The following C12orf42 variants were observed in gnomAD, a reference collection of about 807,000 sequenced individuals.
C12orf42 encodes uncharacterized protein C12orf42.
A neutral mutation model predicts 21.6 loss-of-function variants in C12orf42; 25 were observed. That is an observed-to-expected ratio of 1.16 (90% CI 0.84 to 1.62). C12orf42 has a LOEUF of 1.62. Among genes scored for constraint, C12orf42 ranks in the 40% most tolerant of loss-of-function variants. C12orf42 has a pLI of 0.00. For synonymous variants in C12orf42, 174 were observed against 175.0 expected (o/e 0.99, Z 0.05); for missense variants, 483 against 459.3 (o/e 1.05, Z -0.47).
intron 2 of C12orf42, among the ~76,000 whole-genome samples, chr12:103,405,813 T>C (rs1416005881): frequency 6.6e-6 from 1 of 152,206 alleles, no homozygotes; most frequent in Non-Finnish European, 1.5e-5. Context: ...TGTGGGGTAG[T>C]GTATTTCTTT....
At chr12:103,430,538 T>C (rs1164566568) in intron 2 of C12orf42, among the ~76,000 whole-genome samples, 2 of 152,192 alleles carry the variant, frequency 1.3e-5, no homozygotes, top group African/African-American at 4.8e-5. Flanking sequence ...GTTCAACCAT[T>C]GTGGAAGACA....
At chr12:103,393,716 T>C (rs1026236845) in intron 3 of C12orf42, among the ~76,000 whole-genome samples, 1 of 152,214 alleles carries the variant, frequency 6.6e-6, no homozygotes, top group Non-Finnish European at 1.5e-5. Context: ...TAATGCCTAG[T>C]ATATATTGCA....
chr12:103,561,895 C>T, the C12orf42 span, among the ~76,000 whole-genome samples: 2 of 152,246 alleles, frequency 1.3e-5, 1 homozygote, highest in South Asian at 4.2e-4. Flanking sequence ...AAGTATTATG[C>T]CTCCTCTTGT....
chr12:103,112,867 C>T, the C12orf42 span, among the ~76,000 whole-genome samples: 1 of 152,202 alleles, frequency 6.6e-6, no homozygotes, highest in Admixed American at 6.5e-5. Context: ...CTGCATCCTT[C>T]TACCGTAGCA....
chr12:103,230,792 C>T, the C12orf42 span, among the ~76,000 whole-genome samples: 1 of 152,110 alleles, frequency 6.6e-6, no homozygotes, highest in Non-Finnish European at 1.5e-5. Context: ...TGTTGATTTG[C>T]TGTTTCATTT....
At position 103,401,694 on chromosome 12, in the gene C12orf42, G is replaced by T; in HGVS notation, c.79-19C>A. 2 of 1,605,338 alleles carry T rather than the reference G, an allele frequency of 1.2e-6. No individual in the cohort carries two copies. The highest frequency in any genetic ancestry group is 1.7e-6 in the Non-Finnish European group (2 of 1,172,356). ...GGGATTTCTGAAACATTAGAAACAA[G>T]GCATTTAGTATCACTTCAATAATTC... On this transcript the variant is annotated intron_variant, in intron 2 of 5. Transcript: ENST00000548883.
chr12:103,270,335 G>A (rs1252204569), intron 5 of C12orf42: 1 of 149,768 alleles, frequency 6.7e-6, no homozygotes, highest in African/African-American at 2.5e-5. Flanking sequence ...GGTGGGGGAA[G>A]GGAAGGAAGT....
chr12:103,304,712 T>G (rs1201060891), intron 5 of C12orf42, among the ~76,000 whole-genome samples: 1 of 152,218 alleles, frequency 6.6e-6, no homozygotes, highest in Admixed American at 6.5e-5. Flanking sequence ...CATATTGCCT[T>G]GTTCATAGTA....
At chr12:103,236,668 A>T (rs1449657283), downstream of C12orf42, among the ~76,000 whole-genome samples, 1 of 152,150 alleles carries the variant, frequency 6.6e-6, no homozygotes. Flanking sequence ...GTTCTTCTAC[A>T]ATGGGCCCCC....
the C12orf42 span, among the ~76,000 whole-genome samples, chr12:103,087,258 C>T: frequency 3.9e-5 from 6 of 152,120 alleles, no homozygotes; most frequent in Non-Finnish European, 8.8e-5. Flanking sequence ...ATGTTCATTC[C>T]ATTTTACAGA....
the C12orf42 span, among the ~76,000 whole-genome samples, chr12:103,137,343 T>A: frequency 3.3e-5 from 5 of 149,734 alleles, no homozygotes; most frequent in Non-Finnish European, 5.9e-5. Context: ...CTACTTAGAA[T>A]GGCTATTTTT....
chr12:103,262,542 C>A (rs1368972608), intron 10 of C12orf42: 4 of 152,222 alleles, frequency 2.6e-5, no homozygotes, highest in Admixed American at 6.5e-5. Flanking sequence ...TTATTTTCTT[C>A]TTTTTATTAA....
intron 4 of C12orf42, among the ~76,000 whole-genome samples, chr12:103,294,158 T>C (rs1352299754): frequency 6.6e-6 from 1 of 152,100 alleles, no homozygotes; most frequent in Non-Finnish European, 1.5e-5. Context: ...GTGCATACAA[T>C]AACTATTGGT....
chr12:103,187,348 C>T, the C12orf42 span, among the ~76,000 whole-genome samples: 1 of 152,152 alleles, frequency 6.6e-6, no homozygotes. Context: ...CATTAGGGAA[C>T]TTTCCCATAG....
intron 10 of C12orf42, among the ~76,000 whole-genome samples, chr12:103,238,243 C>A (rs771243830): frequency 8.6e-5 from 13 of 150,772 alleles, no homozygotes; most frequent in Middle Eastern, 3.4e-3. Flanking sequence ...TTTTTTTAAC[C>A]TACTGTGTGT....
intron 10 of C12orf42, among the ~76,000 whole-genome samples, chr12:103,243,410 G>T (rs2033850528): frequency 6.6e-6 from 1 of 151,962 alleles, no homozygotes; most frequent in Non-Finnish European, 1.5e-5. Context: ...ACATTCCCAT[G>T]CTATATATGC....
chr12:103,057,197 A>G, the C12orf42 span, among the ~76,000 whole-genome samples: 1 of 143,750 alleles, frequency 7.0e-6, no homozygotes, highest in Non-Finnish European at 1.5e-5. Flanking sequence ...TTTTTTTTTA[A>G]TTTTACTTTA....
chr12:103,183,305 C>G, the C12orf42 span, among the ~76,000 whole-genome samples: 1 of 152,216 alleles, frequency 6.6e-6, no homozygotes, highest in Non-Finnish European at 1.5e-5. Context: ...TGGTCTCGAT[C>G]TCTTGATGTC....
intron 4 of C12orf42, among the ~76,000 whole-genome samples, chr12:103,334,924 A>AT (rs1005844092): frequency 1.8e-4 from 27 of 151,434 alleles, no homozygotes; most frequent in Admixed American, 5.9e-4. Flanking sequence ...AAAGTTCTAC[A>AT]TTTTTTTTTC....
Sources: gnomAD v4.1 joint callset for allele counts (sites outside exome capture counted in the v4.1 genomes callset) on GRCh38, gnomAD v4.1.1 for gene constraint, MANE v1.5 for transcripts, NCBI Gene and HGNC (gene_info 2026-07-23, HGNC 2026-07-21) for gene names.